The following BFSP2 variants were observed in gnomAD, a reference collection of about 807,000 sequenced individuals.
The protein encoded by BFSP2 is phakinin.
In BFSP2, 38 loss-of-function variants were observed where a neutral mutation model predicts 44.9. That is an observed-to-expected ratio of 0.85 (90% CI 0.65 to 1.11). The LOEUF is 1.11. BFSP2 is among the 50% of genes least tolerant of loss of function. The pLI is 0.00. For missense variants in BFSP2, 525 were observed against 533.0 expected, an observed-to-expected ratio of 0.99 and a Z score of 0.15; for synonymous variants, 197 against 209.9, an observed-to-expected ratio of 0.94 and a Z score of 0.53.
chr3:133,461,048 C>T (rs1421110607), intron 4 of BFSP2, among the ~76,000 whole-genome samples: 1 of 152,184 alleles, frequency 6.6e-6, no homozygotes, highest in East Asian at 1.9e-4. Context: ...CACTCTCCCT[C>T]CTCCTGAACA....
At position 133,466,853 on chromosome 3, in the gene BFSP2, C is replaced by T. The variant is rs765678654; in HGVS notation, c.917C>T (p.Ser306Phe). 4.5e-5 allele frequency: 73 copies of T among 1,613,718 alleles called. No individual in the cohort carries two copies. The highest frequency in any genetic ancestry group is 6.2e-5 in the Non-Finnish European group (73 of 1,179,986). ...AKQQAEVAHMSQTQEEKLAAA... is the reference protein window; with the variant it reads ...AKQQAEVAHMFQTQEEKLAAA... ...CAACAGGCGGAGGTGGCCCACATGTCCCAGACCCAGGAGGAGAAGCTGGCA... is the reference window on the plus strand; with the variant it reads ...CAACAGGCGGAGGTGGCCCACATGTTCCAGACCCAGGAGGAGAAGCTGGCA... The change falls in exon 5 of 7, where the codon TCC becomes TTC. Residue 306 changes from serine to phenylalanine, a missense_variant. Coordinates refer to ENST00000302334, the MANE Select transcript of BFSP2 (RefSeq NM_003571.4).
intron 1 of BFSP2, 65 bp from the exon 2 acceptor site, chr3:133,447,252 A>T: frequency 5.1e-6 from 8 of 1,556,476 alleles, no homozygotes; most frequent in Non-Finnish European, 7.1e-6. Flanking sequence ...AACACAAGTC[A>T]TGGTGGTAAG....
At chr3:133,424,023 T>G (rs536808663) in intron 1 of BFSP2, among the ~76,000 whole-genome samples, 1 of 150,888 alleles carries the variant, frequency 6.6e-6, no homozygotes, top group African/African-American at 2.5e-5. Context: ...AGCTAGTCTG[T>G]TTCTATTCTC....
At position 133,449,051 on chromosome 3, in the gene BFSP2, G is replaced by A. The variant is rs2073931628; in HGVS notation, c.729+406G>A. 2.3e-5 allele frequency: 5 copies of A among 215,176 alleles called. No homozygotes were observed. The South Asian group carries it at 4.0e-4, about 17-fold the overall frequency. 13.3% of individuals were successfully genotyped at this position (215,176 alleles called of 1,614,324 possible). ...GACATCTACTCATTAACAAAACTGG[G>A]TCAGATTATTGAGTGACAGAACTGA... On this transcript the variant is annotated intron_variant, in intron 3 of 6. Transcript: ENST00000302334.
At chr3:133,427,938 A>G (rs555953806) in intron 1 of BFSP2, among the ~76,000 whole-genome samples, 1 of 152,312 alleles carries the variant, frequency 6.6e-6, no homozygotes, top group South Asian at 2.1e-4. Context: ...CAAAAACCCT[A>G]TGAGGCCATT....
chr3:133,467,774 G>A (rs141137226), intron 5 of BFSP2, among the ~76,000 whole-genome samples: 60 of 152,190 alleles, frequency 3.9e-4, no homozygotes, highest in African/African-American at 1.1e-3. Context: ...CTACAGCTTC[G>A]TTGGTGCAAA....
chr3:133,441,996 G>C (rs2073849631), intron 1 of BFSP2, among the ~76,000 whole-genome samples: 1 of 152,222 alleles, frequency 6.6e-6, no homozygotes, highest in South Asian at 2.1e-4. Context: ...GTATGGTCCA[G>C]AAAGACCAAG....
At chr3:133,402,594 T>G (rs1004834663) in intron 1 of BFSP2, among the ~76,000 whole-genome samples, 1 of 152,026 alleles carries the variant, frequency 6.6e-6, no homozygotes. Context: ...TAAAAAATCA[T>G]GGACTTGAAG....
chr3:133,456,681 G>T (rs1209002761), intron 4 of BFSP2, among the ~76,000 whole-genome samples: 1 of 152,182 alleles, frequency 6.6e-6, no homozygotes, highest in Non-Finnish European at 1.5e-5. Flanking sequence ...AGCCTAGGAG[G>T]TCGAGGTTGC....
At chr3:133,466,795 T>C in intron 4 of BFSP2, 33 bp from the exon 5 acceptor site, 2 of 1,556,106 alleles carry the variant, frequency 1.3e-6, no homozygotes, top group South Asian at 1.1e-5. Context: ...TTTCTGATCA[T>C]CACCGCTCAC....
intron 4 of BFSP2, among the ~76,000 whole-genome samples, chr3:133,453,870 T>G (rs2073989436): frequency 6.6e-6 from 1 of 152,206 alleles, no homozygotes; most frequent in Non-Finnish European, 1.5e-5. Flanking sequence ...ATAAAAAAAT[T>G]TATTAAGAGG....
chr3:133,400,180 T>A lies in BFSP2; in HGVS notation c.97T>A (p.Ser33Thr). ...GGCGTCCTTCAGGGGGCCACGGTCA[T>A]CATCCTCCCTGGAGAGCCCCCCAGC... The part of the protein sequence containing the change: ...RRASFRGPRS[S>T]SSLESPPASR... Residue 33 changes from serine to threonine, a missense_variant, in exon 1 of 7, where the codon TCA (serine) becomes ACA (threonine). Ser to Thr is a moderately conservative substitution (Grantham distance 58, BLOSUM62 1). Coordinates refer to ENST00000302334, the MANE Select transcript of BFSP2 (RefSeq NM_003571.4). The surrounding 1 kb of genome is among the most constrained non-coding windows in gnomAD (Gnocchi z 4.0). 1.9e-6 allele frequency: 3 copies of A among 1,614,088 alleles called. No homozygotes were observed. The highest frequency in any genetic ancestry group is 2.5e-6 in the Non-Finnish European group (3 of 1,180,020).
At chr3:133,436,829 A>C (rs6783219) in intron 1 of BFSP2, among the ~76,000 whole-genome samples, 149,901 of 152,264 alleles carry the variant, frequency 0.98, 73,880 homozygotes, top group Middle Eastern at 1. Flanking sequence ...TTGTTCAGTT[A>C]CCACCTATGA....
At chr3:133,472,322 G>A (rs1266292095) in intron 5 of BFSP2, 23 bp from the exon 6 acceptor site, 8 of 1,599,910 alleles carry the variant, frequency 5.0e-6, no homozygotes, top group Admixed American at 1.7e-5. Context: ...CCTCGGGTTT[G>A]GACCGGGTTC....
Position 133,400,623 on chromosome 3 carries a change from C to G in BFSP2, c.489+51C>G. 1 of 1,555,492 alleles carries G rather than the reference C, an allele frequency of 6.4e-7. No individual in the cohort carries two copies. Among genetic ancestry groups the G allele is most frequent in the African/African-American group, 1.4e-5 (1 of 73,384 alleles). ...CTTTGCAGAGGGCTGGGAGGGGCTG[C>G]TGAAGGCAGCGGGTAGGGTTGTGAG... On this transcript the variant is annotated intron_variant, in intron 1 of 6. Transcript: ENST00000302334. This position sits in a 1 kb window ranked among gnomAD's most constrained non-coding sequence, Gnocchi z 4.0.
intron 3 of BFSP2, among the ~76,000 whole-genome samples, chr3:133,449,959 G>A (rs1388455272): frequency 9.0e-6 from 1 of 110,564 alleles, no homozygotes; most frequent in Non-Finnish European, 1.8e-5. Context: ...AAGAGAGAGA[G>A]AAAGAGAAAG....
intron 1 of BFSP2, among the ~76,000 whole-genome samples, chr3:133,441,127 C>A (rs2073841399): frequency 6.6e-6 from 1 of 151,566 alleles, no homozygotes; most frequent in South Asian, 2.1e-4. Flanking sequence ...GCAACCTCCG[C>A]CTCCCAGGTT....
Position 133,461,418 on chromosome 3 carries a change from G to A in BFSP2, c.892-5410G>A, listed in dbSNP as rs568047850. Among the ~76,000 whole-genome samples the A allele has an allele frequency of 1.2e-4, 18 of 152,220 alleles. No individual in the cohort carries two copies. In the South Asian group the frequency reaches 1.7e-3, roughly 14 times the overall value. On this transcript the variant is annotated intron_variant, in intron 4 of 6. Transcript: ENST00000302334. ...ACCCTGCTGGAGTGCAAACACGGGC[G>A]GCTCAGGTCCTGTGCAGTTTCAAAG...
rs370110499 is a variant in BFSP2 at position 133,468,763 on chromosome 3, T to A, written c.1023+1804T>A. 5.9e-5 allele frequency among the ~76,000 whole-genome samples: 9 copies of A among 152,124 alleles called. No individual in the cohort carries two copies. In the East Asian group the frequency reaches 1.3e-3, roughly 23 times the overall value. On this transcript the variant is annotated intron_variant, in intron 5 of 6. Transcript: ENST00000302334. The stretch of plus-strand genomic sequence containing the variant: ...ATCCTAGATTCAACAGGGAGAGAAA[T>A]AAATTCAACTTCTTGATGAGACAAT...
Sources: gnomAD v4.1 joint callset for allele counts (sites outside exome capture counted in the v4.1 genomes callset) on GRCh38, gnomAD v4.1.1 for gene constraint, Gnocchi (gnomAD v3.1) non-coding constraint, MANE v1.5 for transcripts, NCBI Gene and HGNC (gene_info 2026-07-23, HGNC 2026-07-21) for gene names.